The following CACNA1G variants were observed in gnomAD, a reference collection of about 807,000 sequenced individuals.
CACNA1G encodes the protein calcium voltage-gated channel subunit alpha1 G.
In CACNA1G, 67 loss-of-function variants were observed where a neutral mutation model predicts 219.4. That is an observed-to-expected ratio of 0.31 (90% CI 0.25 to 0.37). The LOEUF (loss-of-function observed/expected upper bound fraction) is 0.37, where lower values mean the gene tolerates loss of function less well. Among genes scored for constraint, CACNA1G ranks in the 10% least tolerant of loss-of-function variants. The probability of loss-of-function intolerance (pLI) is 1.00; values close to 1 mark genes in which losing one functional copy is unlikely to be tolerated. For synonymous variants in CACNA1G, 1,296 were observed against 1,345.3 expected (o/e 0.96, Z 0.80); for missense variants, 2,380 against 3,231.4 (o/e 0.74, Z 6.39).
At position 50,617,445 on chromosome 17, in the gene CACNA1G, C is replaced by G. The variant is rs1298684881; in HGVS notation, c.5029C>G (p.Gln1677Glu). 1 of 1,613,140 alleles carries G rather than the reference C, an allele frequency of 6.2e-7. No homozygotes were observed. Among genetic ancestry groups the G allele is most frequent in the African/African-American group, 1.3e-5 (1 of 74,932 alleles). ...GTATTCTGGGCTTTCCAGGTGGAAC[C>G]AGCTGGACCTGGCCATTGTGCTGCT... ...FRRFFQDRWN[Q>E]LDLAIVLLSI... Residue 1677 changes from glutamine to glutamate, a missense_variant, in exon 29 of 38, where the codon CAG becomes GAG. Around this residue, in one of 17 missense-constraint regions of CACNA1G, gnomAD observed 123 missense variants for 258.4 expected, o/e 0.48. Coordinates refer to ENST00000359106, the MANE Select transcript of CACNA1G (RefSeq NM_018896.5). This position sits in a 1 kb window ranked among gnomAD's most constrained non-coding sequence, Gnocchi z 5.8.
In CACNA1G at chr17:50,600,674, C is replaced by G; in HGVS notation, c.3691-52C>G. The G allele has an allele frequency of 6.7e-7, 1 of 1,499,328 alleles. No homozygotes were observed. The highest frequency in any genetic ancestry group is 9.3e-7 in the Non-Finnish European group (1 of 1,076,960). The allele number at this position is 1,499,328 out of a possible 1,614,324, so 92.9% of individuals were successfully genotyped here. The stretch of plus-strand genomic sequence containing the variant: ...CGTGACTCTGCTGAGGAGCCAGGAG[C>G]CGGGGAACCTGGAGGCCTGGTCCTG... On this transcript the variant is annotated intron_variant, in intron 17 of 37. Transcript: ENST00000359106. This position sits in a 1 kb window ranked among gnomAD's most constrained non-coding sequence, Gnocchi z 4.1.
chr17:50,624,324 T>TCCCCCCCCCCCC, intron 36 of CACNA1G, 36 bp from the exon 37 acceptor site: 2 of 1,177,664 alleles, frequency 1.7e-6, no homozygotes, highest in Non-Finnish European at 2.4e-6. Flanking sequence ...CTCCATTCTC[T>TCCCCCCCCCCCC]CCCCCCACCC....
At chr17:50,587,575 A>G (rs1485804755) in intron 9 of CACNA1G, among the ~76,000 whole-genome samples, 1 of 152,156 alleles carries the variant, frequency 6.6e-6, no homozygotes, top group East Asian at 1.9e-4. Flanking sequence ...CTCTTTTTCC[A>G]TGGCTCACTG....
Position 50,618,933 on chromosome 17 carries a change from C to G in CACNA1G, c.5706C>G (p.Asp1902Glu), listed in dbSNP as rs1339345719. ...WPGVEGPDSP[D>E]SPKPGALHPA... ...GGGTCGAGGGCCCCGACAGCCCCGA[C>G]AGCCCCAAGCCTGGGGCTCTGCACC... Residue 1902 changes from aspartate to glutamate, a missense_variant, in exon 33 of 38, where the codon GAC becomes GAG. Asp to Glu is a conservative substitution (Grantham distance 45, BLOSUM62 2). Around this residue, in one of 17 missense-constraint regions of CACNA1G, gnomAD observed 672 missense variants for 670.5 expected, o/e 1.00. Coordinates refer to ENST00000359106, the MANE Select transcript of CACNA1G (RefSeq NM_018896.5). The surrounding 1 kb of genome is among the most constrained non-coding windows in gnomAD (Gnocchi z 5.3). The G allele has an allele frequency of 6.2e-7, 1 of 1,602,010 alleles. No individual in the cohort carries two copies. Among genetic ancestry groups the G allele is most frequent in the South Asian group, 1.1e-5 (1 of 90,098 alleles).
At chr17:50,598,012 T>C (rs950306961) in intron 16 of CACNA1G, among the ~76,000 whole-genome samples, 17 of 152,224 alleles carry the variant, frequency 1.1e-4, no homozygotes, top group African/African-American at 4.1e-4. Flanking sequence ...CCACAGTGCA[T>C]GTATGCCATA....
chr17:50,569,293 C>G lies in CACNA1G; in HGVS notation c.483C>G (p.Ile161Met), dbSNP rs372851469. ...TWNRLDFFIVIAGMLEYSLDL... is the reference protein window; with the variant it reads ...TWNRLDFFIVMAGMLEYSLDL... ...ACCGGCTTGACTTTTTCATCGTCATCGCAGGGTGAGGACCTGGGCTGGGGT... is the reference window on the plus strand; with the variant it reads ...ACCGGCTTGACTTTTTCATCGTCATGGCAGGGTGAGGACCTGGGCTGGGGT... The change falls in exon 3 of 38, where the codon ATC becomes ATG. Residue 161 changes from isoleucine (I) to methionine (M), a missense_variant. By Grantham distance (10) the Ile-to-Met change is conservative. This residue lies in a region of CACNA1G where 56 missense variants were observed against 135.8 expected (regional missense o/e 0.41). Coordinates refer to ENST00000359106, the MANE Select transcript of CACNA1G (RefSeq NM_018896.5). The G allele has an allele frequency of 6.2e-7, 1 of 1,613,506 alleles. No homozygotes were observed. The highest frequency in any genetic ancestry group is 1.1e-5 in the South Asian group (1 of 91,070).
chr17:50,584,104 G>T (rs117564503), intron 9 of CACNA1G, among the ~76,000 whole-genome samples: 1 of 152,184 alleles, frequency 6.6e-6, no homozygotes, highest in Non-Finnish European at 1.5e-5. Context: ...AGGTTTGGGA[G>T]AGGAGGCGAG....
At chr17:50,602,765 T>C (rs972423734) in intron 19 of CACNA1G, 55 bp from the exon 20 acceptor site, 2 of 1,538,464 alleles carry the variant, frequency 1.3e-6, no homozygotes, top group African/African-American at 1.4e-5. Context: ...AGAGCAGACC[T>C]GGCCCAAGGG....
At chr17:50,610,409 G>A (rs1360540591) in intron 26 of CACNA1G, among the ~76,000 whole-genome samples, 2 of 152,236 alleles carry the variant, frequency 1.3e-5, no homozygotes, top group Non-Finnish European at 2.9e-5. Flanking sequence ...GATCACGGTG[G>A]CTGCGTCATC....
rs753629595 is a variant in CACNA1G at position 50,626,581 on chromosome 17, C to G, written c.6964C>G (p.Arg2322Gly). 1 of 1,606,710 alleles carries G rather than the reference C, an allele frequency of 6.2e-7. No homozygotes were observed. The highest frequency in any genetic ancestry group is 1.1e-5 in the South Asian group (1 of 90,210). ...AGACCCCCCCGAGAGCCAAGGTCCT[C>G]GGACCCCGCCCAGCCCTGGTATCTG... ...TIDPPESQGP[R>G]TPPSPGICLR... Residue 2322 changes from arginine (R) to glycine (G), a missense_variant, in exon 38 of 38, where the codon CGG becomes GGG. By Grantham distance (125) the Arg-to-Gly change is moderately radical. This residue lies in a region of CACNA1G where 672 missense variants were observed against 670.5 expected (regional missense o/e 1.00). Coordinates refer to ENST00000359106, the MANE Select transcript of CACNA1G (RefSeq NM_018896.5). The surrounding 1 kb of genome is among the most constrained non-coding windows in gnomAD (Gnocchi z 4.3).
rs1271317888 is a variant in CACNA1G, at chr17:50,578,962, T to C, written c.2301+398T>C. Among the ~76,000 whole-genome samples, 3 of 152,000 alleles carry C rather than the reference T, an allele frequency of 2.0e-5. No individual in the cohort carries two copies. Among genetic ancestry groups the C allele is most frequent in the Non-Finnish European group, 4.4e-5 (3 of 68,006 alleles). On this transcript the variant is annotated intron_variant, in intron 9 of 37. Coordinates refer to ENST00000359106, the MANE Select transcript of CACNA1G (RefSeq NM_018896.5). The surrounding 1 kb of genome is among the most constrained non-coding windows in gnomAD (Gnocchi z 4.5). ...GTCCTGTGGCATCCATCTGACCCAC[T>C]AAGTCCGGGTGTGACTGATTGGAGG...
intron 20 of CACNA1G, 54 bp downstream of exon 20, chr17:50,602,942 C>G (rs566111266): frequency 4.2e-5 from 67 of 1,609,332 alleles, no homozygotes; most frequent in Non-Finnish European, 5.4e-5. Context: ...GGGGTGGAGA[C>G]AGCTTGGGCT....
chr17:50,586,049 C>A (rs2145287960), intron 9 of CACNA1G, among the ~76,000 whole-genome samples: 1 of 152,324 alleles, frequency 6.6e-6, no homozygotes, highest in African/African-American at 2.4e-5. Flanking sequence ...TCCAGCCCCT[C>A]ATGCCCTCTC....
At position 50,590,463 on chromosome 17, in the gene CACNA1G, C is replaced by A. The variant is rs757334871; in HGVS notation, c.2302-8C>A. ...GCCAGCTGCCTCACATCCCACCCTGCCCTGCAGCCCGAGGAGCTTACCAAC... is the reference window on the plus strand; with the variant it reads ...GCCAGCTGCCTCACATCCCACCCTGACCTGCAGCCCGAGGAGCTTACCAAC... On this transcript the variant is annotated splice_region_variant and splice_polypyrimidine_tract_variant and intron_variant, in intron 9 of 37. Transcript: ENST00000359106. The A allele has an allele frequency of 6.2e-7, 1 of 1,613,420 alleles. No homozygotes were observed. The highest frequency in any genetic ancestry group is 8.5e-7 in the Non-Finnish European group (1 of 1,179,806).
intron 8 of CACNA1G, among the ~76,000 whole-genome samples, chr17:50,577,324 C>T (rs1350074323): frequency 1.3e-5 from 2 of 151,934 alleles, no homozygotes; most frequent in Non-Finnish European, 2.9e-5. Context: ...AGGCCCTGAG[C>T]GGGGGGCTTC....
At chr17:50,579,710 G>A (rs186308878) in intron 9 of CACNA1G, among the ~76,000 whole-genome samples, 7 of 152,268 alleles carry the variant, frequency 4.6e-5, no homozygotes, top group Admixed American at 2.6e-4. Flanking sequence ...TGGAACGAAG[G>A]CCATGCACCT....
chr17:50,584,595 C>T (rs1052311342), intron 9 of CACNA1G, among the ~76,000 whole-genome samples: 17 of 6,418 alleles, frequency 2.6e-3, no homozygotes, highest in African/African-American at 6.1e-3. Flanking sequence ...CCAGGGGAGC[C>T]GGGGGCGGGG....
chr17:50,610,147 C>A (rs971930322), intron 26 of CACNA1G, among the ~76,000 whole-genome samples: 3 of 152,224 alleles, frequency 2.0e-5, no homozygotes, highest in African/African-American at 7.2e-5. Context: ...TGCCGACGCC[C>A]TTTGGAGAGC....
Position 50,617,418 on chromosome 17 carries a change from C to A in CACNA1G, c.5022-20C>A. 6.2e-7 allele frequency: 1 copy of A among 1,604,814 alleles called. No individual in the cohort carries two copies. Among genetic ancestry groups the A allele is most frequent in the Non-Finnish European group, 8.5e-7 (1 of 1,173,332 alleles). On this transcript the variant is annotated intron_variant, in intron 28 of 37. Coordinates refer to ENST00000359106, the MANE Select transcript of CACNA1G (RefSeq NM_018896.5). This position sits in a 1 kb window ranked among gnomAD's most constrained non-coding sequence, Gnocchi z 5.8. Reference sequence around the variant, plus strand: ...GAACCCCCTCCCCCAACTCAGGGAGCTGTATTCTGGGCTTTCCAGGTGGAA... The same window carrying A: ...GAACCCCCTCCCCCAACTCAGGGAGATGTATTCTGGGCTTTCCAGGTGGAA...
Sources: gnomAD v4.1 joint callset for allele counts (sites outside exome capture counted in the v4.1 genomes callset) on GRCh38, gnomAD v4.1.1 for gene constraint, gnomAD v4.1.1 regional missense constraint, Gnocchi (gnomAD v3.1) non-coding constraint, MANE v1.5 for transcripts, NCBI Gene and HGNC (gene_info 2026-07-23, HGNC 2026-07-21) for gene names.